The following MOB3B variants were observed in gnomAD, a reference collection of about 807,000 sequenced individuals.
The protein encoded by MOB3B is MOB kinase activator-like 2B.
A neutral mutation model predicts 18.7 loss-of-function variants in MOB3B; 7 were observed. That is an observed-to-expected ratio of 0.37 (90% CI 0.21 to 0.70). The LOEUF is 0.70. Ranked by LOEUF, MOB3B falls within the 30% of genes least tolerant of loss-of-function variation. The pLI is 0.52. For synonymous variants in MOB3B, 111 were observed against 99.9 expected (o/e 1.11, Z -0.66); for missense variants, 253 against 281.3 (o/e 0.90, Z 0.72).
intron 1 of MOB3B, chr9:27,525,024 A>C (rs700784): frequency 2.2e-6 from 3 of 1,335,910 alleles, no homozygotes; most frequent in African/African-American, 2.9e-5. Context: ...TCCTCCTCCA[A>C]CTTCTTTTTA....
chr9:27,514,985 T>C (rs762838534), intron 1 of MOB3B, among the ~76,000 whole-genome samples: 3 of 152,214 alleles, frequency 2.0e-5, no homozygotes, highest in Non-Finnish European at 4.4e-5. Flanking sequence ...CAGAACTCAG[T>C]ACCAAGAGAA....
intron 2 of MOB3B, among the ~76,000 whole-genome samples, chr9:27,434,634 C>G (rs1822467922): frequency 1.3e-5 from 2 of 152,098 alleles, no homozygotes; most frequent in Non-Finnish European, 1.5e-5. Flanking sequence ...CCCTCAAGAA[C>G]TCCTCCTCCA....
intron 1 of MOB3B, among the ~76,000 whole-genome samples, chr9:27,494,509 T>G (rs1819869163): frequency 6.6e-6 from 1 of 152,106 alleles, no homozygotes; most frequent in South Asian, 2.1e-4. Flanking sequence ...TGGCCGATGC[T>G]TAAGGAAAAT....
chr9:27,493,858 CAATGTTTAGGAA>C (rs1404986337), intron 1 of MOB3B, among the ~76,000 whole-genome samples: 1 of 152,142 alleles, frequency 6.6e-6, no homozygotes, highest in Non-Finnish European at 1.5e-5. Context: ...AGGATAACAG[CAATGTTTAGGAA>C]AAAAGAGAGA....
intron 2 of MOB3B, among the ~76,000 whole-genome samples, chr9:27,434,229 G>A (rs1330699750): frequency 2.0e-5 from 3 of 152,260 alleles, no homozygotes; most frequent in East Asian, 3.9e-4. Context: ...ACCCTCTTGT[G>A]TTGACCTACA....
intron 2 of MOB3B, among the ~76,000 whole-genome samples, chr9:27,365,327 G>A (rs982759357): frequency 1.3e-5 from 2 of 148,176 alleles, no homozygotes; most frequent in Non-Finnish European, 3.0e-5. Context: ...GAAAAACTCT[G>A]AAACTTTCTT....
intron 2 of MOB3B, among the ~76,000 whole-genome samples, chr9:27,402,737 A>G (rs1389484145): frequency 1.3e-5 from 2 of 152,218 alleles, no homozygotes; most frequent in Admixed American, 6.5e-5. Context: ...TGTGGACACT[A>G]TCAGGGTTCA....
At chr9:27,437,593 A>G (rs974988185) in intron 2 of MOB3B, among the ~76,000 whole-genome samples, 1 of 152,240 alleles carries the variant, frequency 6.6e-6, no homozygotes, top group African/African-American at 2.4e-5. Flanking sequence ...AAAAGGGAAC[A>G]GCTGATAAAT....
chr9:27,458,648 T>G lies in MOB3B; in HGVS notation c.-198-2900A>C, dbSNP rs1158572851. Among the ~76,000 whole-genome samples the G allele has an allele frequency of 5.5e-5, 8 of 145,542 alleles. 1 individual carries two copies. Among genetic ancestry groups the G allele is most frequent in the African/African-American group, 2.0e-4 (8 of 40,108 alleles). On this transcript the variant is annotated intron_variant, in intron 1 of 3. Coordinates refer to ENST00000262244, the MANE Select transcript of MOB3B (RefSeq NM_024761.5). ...TCACTGCAGCCTCGACCTCCCAGGT[T>G]CAAACGATCCTCCTGTCTCAGCCTT...
chr9:27,411,163 C>T (rs965459616), intron 2 of MOB3B, among the ~76,000 whole-genome samples: 1 of 152,078 alleles, frequency 6.6e-6, no homozygotes, highest in African/African-American at 2.4e-5. Context: ...TGGGGTCTTC[C>T]CTAATAAGTG....
chr9:27,492,421 C>T (rs575529514), intron 1 of MOB3B, among the ~76,000 whole-genome samples: 2 of 152,130 alleles, frequency 1.3e-5, no homozygotes, highest in Non-Finnish European at 2.9e-5. Flanking sequence ...ATTCCCTGAG[C>T]AAAATGTATT....
At chr9:27,405,193 T>C (rs1821948441) in intron 2 of MOB3B, among the ~76,000 whole-genome samples, 1 of 132,072 alleles carries the variant, frequency 7.6e-6, no homozygotes, top group South Asian at 2.7e-4. Context: ...CTGCAACCTC[T>C]GCCTCCGGAG....
At chr9:27,407,904 C>G (rs912420983) in intron 2 of MOB3B, among the ~76,000 whole-genome samples, 3 of 151,858 alleles carry the variant, frequency 2.0e-5, no homozygotes, top group Admixed American at 6.5e-5. Context: ...AACTTGGGCT[C>G]TGCATTCTTT....
intron 2 of MOB3B, among the ~76,000 whole-genome samples, chr9:27,420,286 C>T (rs1434861440): frequency 6.6e-6 from 1 of 151,858 alleles, no homozygotes; most frequent in Non-Finnish European, 1.5e-5. Flanking sequence ...ACCATTTGAT[C>T]CAGCAATCTC....
intron 2 of MOB3B, among the ~76,000 whole-genome samples, chr9:27,435,009 A>C (rs1822476418): frequency 6.6e-6 from 1 of 152,078 alleles, no homozygotes; most frequent in Non-Finnish European, 1.5e-5. Context: ...CTTGTAAGAG[A>C]AATGTACATC....
chr9:27,362,465 A>G (rs151318927), intron 2 of MOB3B, among the ~76,000 whole-genome samples: 255 of 152,332 alleles, frequency 1.7e-3, no homozygotes, highest in African/African-American at 5.7e-3. Context: ...AGTAAGTTCA[A>G]CTTTCATTAT....
At chr9:27,338,481 G>A (rs1012093764) in intron 3 of MOB3B, among the ~76,000 whole-genome samples, 2 of 152,158 alleles carry the variant, frequency 1.3e-5, no homozygotes, top group African/African-American at 4.8e-5. Flanking sequence ...TGCTTTGAAG[G>A]TGAGTGTCTG....
At chr9:27,452,392 A>C (rs1380281758) in intron 2 of MOB3B, among the ~76,000 whole-genome samples, 1 of 152,218 alleles carries the variant, frequency 6.6e-6, no homozygotes, top group East Asian at 1.9e-4. Flanking sequence ...AATTCACTAG[A>C]CAGAGAAGTG....
intron 3 of MOB3B, among the ~76,000 whole-genome samples, chr9:27,343,759 G>A (rs945911041): frequency 3.5e-5 from 5 of 144,522 alleles, no homozygotes; most frequent in Admixed American, 1.4e-4. Context: ...GTTACACTGC[G>A]GTTTGCTCTC....
Sources: gnomAD v4.1 joint callset for allele counts (sites outside exome capture counted in the v4.1 genomes callset) on GRCh38, gnomAD v4.1.1 for gene constraint, MANE v1.5 for transcripts, NCBI Gene and HGNC (gene_info 2026-07-23, HGNC 2026-07-21) for gene names.